The following ALDH1A1 variants were observed in gnomAD, a reference collection of about 807,000 sequenced individuals.
ALDH1A1 encodes the protein aldehyde dehydrogenase 1 family member A1.
ALDH1A1 carries 19 observed loss-of-function variants against 62.1 expected under a neutral mutation model. The observed-to-expected ratio is 0.31, with a 90% CI of 0.21 to 0.45. The LOEUF (loss-of-function observed/expected upper bound fraction) is 0.45, where lower values mean the gene tolerates loss of function less well. Among genes scored for constraint, ALDH1A1 ranks in the 20% least tolerant of loss-of-function variants. The pLI is 1.00. For missense variants in ALDH1A1, 521 were observed against 607.1 expected, an observed-to-expected ratio of 0.86 and a Z score of 1.49; for synonymous variants, 231 against 215.9, an observed-to-expected ratio of 1.07 and a Z score of -0.61.
At chr9:72,931,254 T>C (rs1830278670) in intron 2 of ALDH1A1, among the ~76,000 whole-genome samples, 2 of 152,220 alleles carry the variant, frequency 1.3e-5, no homozygotes, top group South Asian at 2.1e-4. Flanking sequence ...TCCTAGAATA[T>C]AAGTGTTTTA....
At position 72,930,952 on chromosome 9, in the gene ALDH1A1, A is replaced by G. The variant is rs531448491; in HGVS notation, c.239T>C (p.Met80Thr). The G allele has an allele frequency of 6.2e-6, 10 of 1,614,090 alleles. No individual in the cohort carries two copies. The highest frequency in any genetic ancestry group is 1.3e-5 in the African/African-American group (1 of 75,034). Reference protein sequence around the residue: ...AFQIGSPWRTMDASERGRLLY... With the variant: ...AFQIGSPWRTTDASERGRLLY... ...TAGTCGCCCCCTCTCGGAAGCATCCATAGTACGCCACGGGGATCCAATCTG... is the reference window on the plus strand; with the variant it reads ...TAGTCGCCCCCTCTCGGAAGCATCCGTAGTACGCCACGGGGATCCAATCTG... The change falls in exon 3 of 13, where the codon ATG becomes ACG. Residue 80 changes from methionine (M) to threonine (T), a missense_variant. Transcript: ENST00000297785.
rs1057408909 is a variant in ALDH1A1 at position 72,930,922 on chromosome 9, T to C, written c.269A>G (p.Tyr90Cys). Reference protein sequence around the residue: ...MDASERGRLLYKLADLIERDR... With the variant: ...MDASERGRLLCKLADLIERDR... Reference sequence around the variant, plus strand: ...TCTTTCGATTAAATCAGCCAACTTGTATAATAGTCGCCCCCTCTCGGAAGC... The same window carrying C: ...TCTTTCGATTAAATCAGCCAACTTGCATAATAGTCGCCCCCTCTCGGAAGC... Residue 90 changes from tyrosine (Y) to cysteine (C), a missense_variant, in exon 3 of 13, where the codon TAC (tyrosine) becomes TGC (cysteine). Physicochemically the swap from Tyr to Cys is radical, Grantham distance 194. Coordinates refer to ENST00000297785, the MANE Select transcript of ALDH1A1 (RefSeq NM_000689.5). 6.2e-7 allele frequency: 1 copy of C among 1,613,966 alleles called. No individual in the cohort carries two copies. The highest frequency in any genetic ancestry group is 1.3e-5 in the African/African-American group (1 of 74,906).
chr9:72,936,676 C>T (rs1830350717), intron 2 of ALDH1A1, among the ~76,000 whole-genome samples: 1 of 152,124 alleles, frequency 6.6e-6, no homozygotes, highest in Non-Finnish European at 1.5e-5. Context: ...AGGGCACAGG[C>T]TTCTGGGGCT....
intron 1 of ALDH1A1, among the ~76,000 whole-genome samples, chr9:72,943,822 C>T (rs1351385558): frequency 2.6e-5 from 4 of 151,956 alleles, no homozygotes; most frequent in Non-Finnish European, 1.5e-5. Flanking sequence ...TATCAAGAGC[C>T]GCCAGTACAG....
chr9:72,912,177 A>G, intron 9 of ALDH1A1, 55 bp from the exon 10 acceptor site: 2 of 1,498,478 alleles, frequency 1.3e-6, no homozygotes, highest in Non-Finnish European at 1.8e-6. Context: ...TAAAGATAAC[A>G]CATTGCTGGG....
intron 11 of ALDH1A1, among the ~76,000 whole-genome samples, chr9:72,908,158 G>T (rs1265086853): frequency 6.6e-6 from 1 of 152,078 alleles, no homozygotes; most frequent in East Asian, 1.9e-4. Context: ...GGTGGCTCAG[G>T]CCTGTAATCC....
At chr9:72,928,479 A>T (rs1830239192) in intron 4 of ALDH1A1, among the ~76,000 whole-genome samples, 1 of 152,190 alleles carries the variant, frequency 6.6e-6, no homozygotes, top group Non-Finnish European at 1.5e-5. Context: ...TAACTGACTT[A>T]TACTGGAACA....
At position 72,912,030 on chromosome 9, in the gene ALDH1A1, C is replaced by A; in HGVS notation, c.1128G>T (p.Gly376=). Residue 376 remains glycine, a synonymous_variant, in exon 10 of 13, where the codon GGG becomes GGT. Coordinates refer to ENST00000297785, the MANE Select transcript of ALDH1A1 (RefSeq NM_000689.5). The part of the protein sequence containing the change: ...AKLECGGGPW[G]NKGYFVQPTV... ...TGGGCTGGACAAAGTAGCCTTTATT[C>A]CCCCACGGGCCTCCTCCACATTCCA... The A allele has an allele frequency of 1.2e-6, 2 of 1,613,878 alleles. No individual in the cohort carries two copies. Among genetic ancestry groups the A allele is most frequent in the African/African-American group, 1.3e-5 (1 of 74,994 alleles).
At chr9:72,938,636 G>A (rs1230275940) in intron 2 of ALDH1A1, among the ~76,000 whole-genome samples, 2 of 151,956 alleles carry the variant, frequency 1.3e-5, no homozygotes, top group East Asian at 3.9e-4. Context: ...CAGTAGAGAC[G>A]AGGTTTCACC....
At position 72,940,231 on chromosome 9, in the gene ALDH1A1, G is replaced by A. The variant is rs146262229; in HGVS notation, c.88C>T (p.His30Tyr). ...YTKIFINNEW[H>Y]DSVSGKKFPV... ...AATTTCTTGCCACTCACTGAATCAT[G>A]CCATTCATTGTTTATGAAGATCTGT... Residue 30 changes from histidine (H) to tyrosine (Y), a missense_variant, in exon 2 of 13, where the codon CAT becomes TAT. Coordinates refer to ENST00000297785, the MANE Select transcript of ALDH1A1 (RefSeq NM_000689.5). 2 of 1,612,848 alleles carry A rather than the reference G, an allele frequency of 1.2e-6. No individual in the cohort carries two copies. The highest frequency in any genetic ancestry group is 1.7e-6 in the Non-Finnish European group (2 of 1,179,052).
chr9:72,921,817 C>T (rs71507823), intron 7 of ALDH1A1, among the ~76,000 whole-genome samples: 4,116 of 151,926 alleles, frequency 0.027, 85 homozygotes, highest in Non-Finnish European at 0.043. Flanking sequence ...GAGAGAGACA[C>T]ATAAGGCAAT....
At chr9:72,910,761 T>C (rs1422563177) in intron 10 of ALDH1A1, among the ~76,000 whole-genome samples, 1 of 152,148 alleles carries the variant, frequency 6.6e-6, no homozygotes, top group Admixed American at 6.5e-5. Context: ...TCACCACTGA[T>C]TTAAATGTTA....
intron 4 of ALDH1A1, 86 bp from the exon 5 acceptor site, chr9:72,927,263 T>C: frequency 1.0e-6 from 1 of 972,934 alleles, no homozygotes; most frequent in Non-Finnish European, 1.6e-6. Flanking sequence ...GAGAAAGGTG[T>C]AGACAATAAT....
At position 72,924,034 on chromosome 9, in the gene ALDH1A1, G is replaced by A; in HGVS notation, c.732C>T (p.Phe244=). ...ATAATATTACCTCTGTTGATCCTGT[G>A]AAGGCTACTTTGTCTATATCCATGT... ...SSHMDIDKVA[F]TGSTEVGKLI... Residue 244 remains phenylalanine, a synonymous_variant, in exon 7 of 13, where the codon TTC becomes TTT. Transcript: ENST00000297785. 2 of 1,605,562 alleles carry A rather than the reference G, an allele frequency of 1.2e-6. No homozygotes were observed. The highest frequency in any genetic ancestry group is 1.3e-5 in the African/African-American group (1 of 74,372).
At chr9:72,904,809 T>C (rs1236308543) in intron 12 of ALDH1A1, among the ~76,000 whole-genome samples, 2 of 152,110 alleles carry the variant, frequency 1.3e-5, no homozygotes, top group African/African-American at 4.8e-5. Flanking sequence ...CTCCATAGGA[T>C]ATGGAATCCC....
chr9:72,904,433 T>A (rs900504910), intron 12 of ALDH1A1, among the ~76,000 whole-genome samples: 1 of 152,080 alleles, frequency 6.6e-6, no homozygotes, highest in East Asian at 1.9e-4. Context: ...CACTAGCCCC[T>A]CAACATACCA....
chr9:72,934,437 T>G (rs771441903), intron 2 of ALDH1A1, among the ~76,000 whole-genome samples: 1 of 152,204 alleles, frequency 6.6e-6, no homozygotes, highest in African/African-American at 2.4e-5. Flanking sequence ...ACCTGTTCCC[T>G]TTCATCTACA....
intron 1 of ALDH1A1, among the ~76,000 whole-genome samples, chr9:72,945,990 C>T (rs1315183611): frequency 6.6e-6 from 1 of 151,830 alleles, no homozygotes; most frequent in African/African-American, 2.4e-5. Flanking sequence ...TTGTTGTTTG[C>T]AAAACCCCAT....
chr9:72,951,679 C>T (rs1377375220), intron 1 of ALDH1A1, among the ~76,000 whole-genome samples: 1 of 151,924 alleles, frequency 6.6e-6, no homozygotes, highest in Non-Finnish European at 1.5e-5. Flanking sequence ...ACCTTTTGGA[C>T]ATACCTTTGC....
Sources: allele counts gnomAD v4.1 joint callset (sites outside exome capture counted in the v4.1 genomes callset), GRCh38; gene constraint gnomAD v4.1.1; transcripts MANE v1.5; gene names NCBI Gene and HGNC (gene_info 2026-07-23, HGNC 2026-07-21).